Variants in TMEM131L observed in about 807,000 individuals in gnomAD.
TMEM131L encodes transmembrane protein 131-like.
TMEM131L carries 54 observed loss-of-function variants against 192.2 expected under a neutral mutation model. The observed-to-expected ratio is 0.28, with a 90% CI of 0.23 to 0.35. The LOEUF is 0.35. TMEM131L is among the 10% of genes least tolerant of loss of function. TMEM131L has a pLI of 1.00. For missense variants in TMEM131L, 1,888 were observed against 1,972.9 expected, an observed-to-expected ratio of 0.96 and a Z score of 0.82; for synonymous variants, 701 against 704.9, an observed-to-expected ratio of 0.99 and a Z score of 0.09.
intron 3 of TMEM131L, among the ~76,000 whole-genome samples, chr4:153,517,132 CT>C (rs1158266741): frequency 6.6e-6 from 1 of 152,190 alleles, no homozygotes; most frequent in Non-Finnish European, 1.5e-5. Flanking sequence ...GCCAGCTCAT[CT>C]TTTAAATTTT....
intron 3 of TMEM131L, among the ~76,000 whole-genome samples, chr4:153,513,069 G>A (rs189575195): frequency 6.6e-5 from 10 of 152,222 alleles, no homozygotes; most frequent in East Asian, 1.9e-4. Context: ...TTATCAAGGC[G>A]TCTAGAGAGG....
intron 3 of TMEM131L, among the ~76,000 whole-genome samples, chr4:153,512,762 A>C (rs1402877378): frequency 1.3e-5 from 2 of 152,072 alleles, no homozygotes; most frequent in African/African-American, 2.4e-5. Context: ...TACAGGCTCG[A>C]GCCACCAAGC....
At chr4:153,484,541 T>C (rs1173957312) in intron 3 of TMEM131L, among the ~76,000 whole-genome samples, 5 of 151,388 alleles carry the variant, frequency 3.3e-5, no homozygotes, top group African/African-American at 1.2e-4. Flanking sequence ...CGATCTTGGC[T>C]CACTGCAAGC....
chr4:153,542,458 T>C (rs939340980), intron 3 of TMEM131L, among the ~76,000 whole-genome samples: 6 of 152,158 alleles, frequency 3.9e-5, no homozygotes, highest in Admixed American at 1.3e-4. Context: ...GTGAAGGGGC[T>C]GTGAATGCAC....
intron 25 of TMEM131L, among the ~76,000 whole-genome samples, chr4:153,611,874 A>C (rs1732640407): frequency 6.6e-6 from 1 of 152,172 alleles, no homozygotes; most frequent in African/African-American, 2.4e-5. Context: ...TAAGTATTTC[A>C]CATTGTTGTG....
At chr4:153,537,784 G>C (rs555288240) in intron 3 of TMEM131L, among the ~76,000 whole-genome samples, 1 of 152,154 alleles carries the variant, frequency 6.6e-6, no homozygotes, top group Non-Finnish European at 1.5e-5. Context: ...TTTCAGCCTC[G>C]TTTTACCCAG....
intron 2 of TMEM131L, among the ~76,000 whole-genome samples, chr4:153,467,818 G>C (rs1489008765): frequency 6.6e-6 from 1 of 152,150 alleles, no homozygotes; most frequent in African/African-American, 2.4e-5. Flanking sequence ...ATGATGATAT[G>C]ATGATTGCGT....
At chr4:153,516,264 T>G (rs775375583) in intron 3 of TMEM131L, among the ~76,000 whole-genome samples, 1 of 152,114 alleles carries the variant, frequency 6.6e-6, no homozygotes, top group Non-Finnish European at 1.5e-5. Context: ...ATTCTTTGTT[T>G]TTTCACCCAG....
At chr4:153,531,335 G>A (rs188672392) in intron 3 of TMEM131L, among the ~76,000 whole-genome samples, 1 of 152,338 alleles carries the variant, frequency 6.6e-6, no homozygotes, top group Admixed American at 6.5e-5. Flanking sequence ...GACTCTAGGA[G>A]CCAGTGCCCA....
At chr4:153,540,330 C>T (rs184518658) in intron 3 of TMEM131L, among the ~76,000 whole-genome samples, 215 of 152,158 alleles carry the variant, frequency 1.4e-3, no homozygotes, top group Non-Finnish European at 5.0e-4. Context: ...TTTTTCACTT[C>T]GTTAAAACTC....
Position 153,603,814 on chromosome 4 carries a change from G to T in TMEM131L, c.2802G>T (p.Lys934Asn), listed in dbSNP as rs944024796. 1 of 1,577,712 alleles carries T rather than the reference G, an allele frequency of 6.3e-7. No homozygotes were observed. The highest frequency in any genetic ancestry group is 8.6e-7 in the Non-Finnish European group (1 of 1,167,714). Reference sequence around the variant, plus strand: ...TTCTTAAATTCAGAAGCAATTGCAAGAACTTTCTCGATACATATGGCCCCT... The same window carrying T: ...TTCTTAAATTCAGAAGCAATTGCAATAACTTTCTCGATACATATGGCCCCT... ...ISPHSYKSNC[K>N]NFLDTYGPSD... The change falls in exon 25 of 35, where the codon AAG becomes AAT. Residue 934 changes from lysine (K) to asparagine (N), a missense_variant. Transcript: ENST00000409959.
intron 7 of TMEM131L, among the ~76,000 whole-genome samples, chr4:153,560,578 C>G (rs1728783537): frequency 6.6e-6 from 1 of 152,220 alleles, no homozygotes; most frequent in Admixed American, 6.5e-5. Flanking sequence ...CTCACGATCA[C>G]TGTCTAATTT....
intron 3 of TMEM131L, among the ~76,000 whole-genome samples, chr4:153,539,778 A>ATT (rs2150321830): frequency 6.7e-6 from 1 of 150,198 alleles, no homozygotes; most frequent in East Asian, 2.0e-4. Context: ...TCTGAAGATC[A>ATT]TTTTGAGATA....
intron 3 of TMEM131L, among the ~76,000 whole-genome samples, chr4:153,522,281 C>T (rs997506496): frequency 1.3e-5 from 2 of 152,106 alleles, no homozygotes; most frequent in Non-Finnish European, 2.9e-5. Flanking sequence ...TGTTTTGTGC[C>T]CTTTTAATGT....
chr4:153,542,077 A>G (rs1736827754), intron 3 of TMEM131L, among the ~76,000 whole-genome samples: 1 of 152,282 alleles, frequency 6.6e-6, no homozygotes, highest in Non-Finnish European at 1.5e-5. Flanking sequence ...GTAAAGGAAG[A>G]TGCTGAACAG....
At chr4:153,627,416 A>C (rs1479334565) in intron 30 of TMEM131L, among the ~76,000 whole-genome samples, 189 bp from the exon 31 acceptor site, 3 of 152,100 alleles carry the variant, frequency 2.0e-5, no homozygotes, top group Admixed American at 2.0e-4. Flanking sequence ...TAGATTTGGG[A>C]ATTTAATATT....
chr4:153,487,719 T>TGTGTGA (rs369094307), intron 3 of TMEM131L, among the ~76,000 whole-genome samples: 27,000 of 142,648 alleles, frequency 0.19, 2,887 homozygotes, highest in South Asian at 0.34. Flanking sequence ...TGTGTGTGTG[T>TGTGTGA]GAGAGAGAGA....
rs1384528449 is a variant in TMEM131L at position 153,571,803 on chromosome 4, C to T, written c.661-9023C>T. ...TTCAAACTCCTGAGCTCAAGTGATC[C>T]ACCTGCCTCGGTCTACCAAAGTGCT... is the stretch of plus-strand genomic sequence containing the variant. On this transcript the variant is annotated intron_variant, in intron 7 of 34. Transcript: ENST00000409959. 2.0e-5 allele frequency among the ~76,000 whole-genome samples: 3 copies of T among 152,234 alleles called. No homozygotes were observed. In the East Asian group the frequency reaches 5.8e-4, roughly 29 times the overall value.
chr4:153,590,806 T>C (rs1034946609), intron 16 of TMEM131L, among the ~76,000 whole-genome samples: 2 of 151,192 alleles, frequency 1.3e-5, no homozygotes, highest in Non-Finnish European at 3.0e-5. Flanking sequence ...GCCCTTCGGC[T>C]GGCTTGTGTG....
Sources: gnomAD v4.1 joint callset for allele counts (sites outside exome capture counted in the v4.1 genomes callset) on GRCh38, gnomAD v4.1.1 for gene constraint, MANE v1.5 for transcripts, NCBI Gene and HGNC (gene_info 2026-07-23, HGNC 2026-07-21) for gene names.